The following NEO1 variants were observed in gnomAD, a reference collection of about 807,000 sequenced individuals.
The protein encoded by NEO1 is neogenin 1, also known as neogenin.
A neutral mutation model predicts 159.7 loss-of-function variants in NEO1; 63 were observed. That is an observed-to-expected ratio of 0.39 (90% CI 0.32 to 0.49). The LOEUF is 0.49. NEO1 is among the 20% of genes least tolerant of loss of function. The pLI is 0.85. For missense variants in NEO1, 1,615 were observed against 1,831.0 expected (o/e 0.88, Z 2.15); for synonymous variants, 633 against 662.0 (o/e 0.96, Z 0.67).
At chr15:73,158,638 C>G (rs1024272817) in intron 5 of NEO1, among the ~76,000 whole-genome samples, 5 of 152,120 alleles carry the variant, frequency 3.3e-5, no homozygotes, top group African/African-American at 1.2e-4. Context: ...ATTCCTTCTG[C>G]CTTGGCCTTC....
chr15:73,182,021 G>A (rs2035641595), intron 7 of NEO1, among the ~76,000 whole-genome samples: 1 of 152,086 alleles, frequency 6.6e-6, no homozygotes, highest in Non-Finnish European at 1.5e-5. Flanking sequence ...GGCTGGGGAG[G>A]TCTCACAATC....
rs118056205 is a variant in NEO1 at position 73,305,068 on chromosome 15, G to T, written c.*2372G>T. Reference sequence around the variant, plus strand: ...CACTGCCTGTGGGAGGGGCCCAGAGGGCTGCTGGGACTGGCGTCTGTACAC... The same window carrying T: ...CACTGCCTGTGGGAGGGGCCCAGAGTGCTGCTGGGACTGGCGTCTGTACAC... On this transcript the variant is annotated 3_prime_UTR_variant, in exon 29 of 29. Transcript: ENST00000261908. 6.6e-6 allele frequency: 1 copy of T among 152,158 alleles called. No homozygotes were observed. The highest frequency in any genetic ancestry group is 1.9e-4 in the East Asian group (1 of 5,190). The allele number at this position is 152,158 out of a possible 1,614,324, so 9.4% of individuals were successfully genotyped here. A position where few individuals can be genotyped will look rare whatever the true frequency, so the allele number is the denominator to read the frequency against.
At chr15:73,202,833 A>G (rs556322279) in intron 7 of NEO1, among the ~76,000 whole-genome samples, 1 of 152,254 alleles carries the variant, frequency 6.6e-6, no homozygotes, top group East Asian at 1.9e-4. Context: ...TATTTCTATG[A>G]TCAGGACTAT....
intron 5 of NEO1, 43 bp downstream of exon 5, chr15:73,136,070 T>C (rs774049983): frequency 1.5e-5 from 23 of 1,532,610 alleles, no homozygotes; most frequent in Non-Finnish European, 1.9e-5. Flanking sequence ...CCTGTGTACT[T>C]TCTGGGTCTG....
At chr15:73,074,509 C>T (rs1202106730) in intron 1 of NEO1, among the ~76,000 whole-genome samples, 1 of 152,126 alleles carries the variant, frequency 6.6e-6, no homozygotes, top group African/African-American at 2.4e-5. Context: ...ATTTCTGTGA[C>T]TCATACGGAG....
chr15:73,270,486 T>C, intron 18 of NEO1, 32 bp downstream of exon 18: 1 of 1,572,662 alleles, frequency 6.4e-7, no homozygotes. Flanking sequence ...GTCACATGGC[T>C]GCTTTTACTT....
At chr15:73,097,942 A>G (rs1266831391) in intron 1 of NEO1, among the ~76,000 whole-genome samples, 1 of 152,034 alleles carries the variant, frequency 6.6e-6, no homozygotes, top group Non-Finnish European at 1.5e-5. Flanking sequence ...TAGTAAAATG[A>G]ATTTATATTA....
intron 1 of NEO1, among the ~76,000 whole-genome samples, chr15:73,113,058 T>C (rs1278963838): frequency 6.6e-6 from 1 of 152,208 alleles, no homozygotes; most frequent in Non-Finnish European, 1.5e-5. Flanking sequence ...TAGCCTGTTA[T>C]GTGTCTTTAT....
chr15:73,081,650 A>G (rs1437981185), intron 1 of NEO1, among the ~76,000 whole-genome samples: 1 of 151,662 alleles, frequency 6.6e-6, no homozygotes, highest in Admixed American at 6.6e-5. Flanking sequence ...ATCACAGCTC[A>G]CTGTAGCCTC....
At chr15:73,141,255 T>G (rs1038593992) in intron 5 of NEO1, among the ~76,000 whole-genome samples, 1 of 152,220 alleles carries the variant, frequency 6.6e-6, no homozygotes, top group Non-Finnish European at 1.5e-5. Context: ...ACTTCTGTTA[T>G]TTTTTTAAGA....
At chr15:73,297,938 TACC>T (rs2042444057) in intron 26 of NEO1, among the ~76,000 whole-genome samples, 2 of 152,232 alleles carry the variant, frequency 1.3e-5, no homozygotes, top group Non-Finnish European at 2.9e-5. Flanking sequence ...TACTGTCAGG[TACC>T]CGGCCAGCCT....
At chr15:73,193,132 T>TG (rs1466064151) in intron 7 of NEO1, among the ~76,000 whole-genome samples, 1 of 152,114 alleles carries the variant, frequency 6.6e-6, no homozygotes, top group Non-Finnish European at 1.5e-5. Context: ...GTCATATAAA[T>TG]GCTGAGGTGG....
chr15:73,066,224 A>G (rs1469965657), intron 1 of NEO1, among the ~76,000 whole-genome samples: 1 of 35,060 alleles, frequency 2.9e-5, no homozygotes, highest in African/African-American at 1.3e-4. Context: ...ACGGGGTTTC[A>G]TCGTGTTAGC....
At chr15:73,095,390 G>C (rs1161318526) in intron 1 of NEO1, among the ~76,000 whole-genome samples, 2 of 152,102 alleles carry the variant, frequency 1.3e-5, no homozygotes, top group Non-Finnish European at 2.9e-5. Context: ...CATATTTTCT[G>C]TCTGGCCCTC....
chr15:73,278,159 G>T lies in NEO1; in HGVS notation c.3222G>T (p.Arg1074=), dbSNP rs201891642. 6.2e-7 allele frequency: 1 copy of T among 1,613,124 alleles called. No individual in the cohort carries two copies. Among genetic ancestry groups the T allele is most frequent in the Non-Finnish European group, 8.5e-7 (1 of 1,179,252 alleles). ...CAGGGTCTGGAGGGAAAGGAAGCCGGCTGCCAGACCTAGGATCCGACTACA... is the reference window on the plus strand; with the variant it reads ...CAGGGTCTGGAGGGAAAGGAAGCCGTCTGCCAGACCTAGGATCCGACTACA... The part of the protein sequence containing the change: ...QASGSGGKGS[R]LPDLGSDYKP... Residue 1074 remains arginine (R), a synonymous_variant, in exon 22 of 29, where the codon CGG becomes CGT. Transcript: ENST00000261908.
chr15:73,077,158 CT>C (rs1396037100), intron 1 of NEO1, among the ~76,000 whole-genome samples: 1 of 152,142 alleles, frequency 6.6e-6, no homozygotes, highest in Non-Finnish European at 1.5e-5. Flanking sequence ...ATTCTCCTGC[CT>C]CAGCCTCCCG....
chr15:73,276,239 A>G (rs150551345), intron 21 of NEO1, among the ~76,000 whole-genome samples: 1 of 152,338 alleles, frequency 6.6e-6, no homozygotes, highest in East Asian at 1.9e-4. Flanking sequence ...TTTCTTGTTC[A>G]TAGTTTACAT....
In NEO1 at chr15:73,196,677, G is replaced by A. The variant is rs140421214; in HGVS notation, c.1291+18250G>A. On this transcript the variant is annotated intron_variant, in intron 7 of 28. Coordinates refer to ENST00000261908, the MANE Select transcript of NEO1 (RefSeq NM_002499.4). ...GCTTTGAATAATTTCATTTTGAAGTGTGTTATTCTCTCACCACCAGGGAGA... is the reference window on the plus strand; with the variant it reads ...GCTTTGAATAATTTCATTTTGAAGTATGTTATTCTCTCACCACCAGGGAGA... 3.6e-3 allele frequency among the ~76,000 whole-genome samples: 553 copies of A among 152,296 alleles called. 2 individuals are homozygous for A. Among genetic ancestry groups the A allele is most frequent in the African/African-American group, 0.013 (530 of 41,542 alleles).
intron 14 of NEO1, among the ~76,000 whole-genome samples, chr15:73,259,914 G>T (rs2040541991): frequency 1.3e-5 from 2 of 152,082 alleles, no homozygotes. Context: ...CATTCCACCT[G>T]GTAGAGTTTG....
Sources: allele counts gnomAD v4.1 joint callset (sites outside exome capture counted in the v4.1 genomes callset), GRCh38; gene constraint gnomAD v4.1.1; transcripts MANE v1.5; gene names NCBI Gene and HGNC (gene_info 2026-07-23, HGNC 2026-07-21).